PRKG1: variants seen among roughly 807,000 people sequenced by gnomAD.
The protein encoded by PRKG1 is cGMP-dependent protein kinase 1.
Under a neutral mutation model 88.1 loss-of-function variants are expected in PRKG1, and 35 were observed. The observed-to-expected ratio is 0.40, with a 90% CI of 0.30 to 0.53. The LOEUF (loss-of-function observed/expected upper bound fraction) is 0.53. PRKG1 is among the 20% of genes least tolerant of loss of function. The probability of loss-of-function intolerance (pLI) is 0.59; values close to 1 mark genes in which losing one functional copy is unlikely to be tolerated. For synonymous variants in PRKG1, 303 were observed against 292.5 expected (o/e 1.04, Z -0.37); for missense variants, 540 against 839.8 (o/e 0.64, Z 4.41).
chr10:51,081,325 A>G (rs1165876055), intron 1 of PRKG1, among the ~76,000 whole-genome samples: 1 of 152,252 alleles, frequency 6.6e-6, no homozygotes, highest in African/African-American at 2.4e-5. Flanking sequence ...GTTGGAAAAT[A>G]GTGATAGGCT....
intron 2 of PRKG1, among the ~76,000 whole-genome samples, chr10:51,415,262 T>G (rs1838205519): frequency 6.6e-6 from 1 of 152,200 alleles, no homozygotes; most frequent in Non-Finnish European, 1.5e-5. Context: ...TTTCATATAA[T>G]CTAACCTCTT....
chr10:52,080,518 A>G (rs1836678978), intron 7 of PRKG1, among the ~76,000 whole-genome samples: 1 of 152,164 alleles, frequency 6.6e-6, no homozygotes, highest in South Asian at 2.1e-4. Flanking sequence ...ATGCTAATTT[A>G]GGAGTCCATG....
At chr10:51,237,572 G>T (rs1280471992) in intron 2 of PRKG1, among the ~76,000 whole-genome samples, 1 of 152,134 alleles carries the variant, frequency 6.6e-6, no homozygotes, top group Non-Finnish European at 1.5e-5. Flanking sequence ...ACACAGCATT[G>T]ACTGGCACCC....
At chr10:51,950,415 T>C (rs1365045612) in intron 5 of PRKG1, among the ~76,000 whole-genome samples, 2 of 152,262 alleles carry the variant, frequency 1.3e-5, no homozygotes, top group Non-Finnish European at 2.9e-5. Context: ...AGAGGCTTTT[T>C]GGAAGAGAGA....
intron 4 of PRKG1, among the ~76,000 whole-genome samples, chr10:51,839,950 T>C (rs1840228532): frequency 6.6e-6 from 1 of 152,222 alleles, no homozygotes; most frequent in Non-Finnish European, 1.5e-5. Flanking sequence ...AGGATGCCAT[T>C]TTAACTAATG....
At chr10:51,448,445 A>T (rs774147902) in intron 2 of PRKG1, among the ~76,000 whole-genome samples, 9 of 152,072 alleles carry the variant, frequency 5.9e-5, no homozygotes, top group Non-Finnish European at 1.3e-4. Flanking sequence ...CACAGTCATG[A>T]TAACCACATG....
rs1839035974 is a variant in PRKG1 at position 51,615,760 on chromosome 10, T to C, written c.592+147924T>C. Among the ~76,000 whole-genome samples the C allele has an allele frequency of 3.9e-5, 6 of 152,002 alleles. No homozygotes were observed. In the South Asian group the frequency reaches 1.2e-3, roughly 32 times the overall value. ...TGTGTTGTTTTTCAGTATTCCCCTG[T>C]ATCTCACCAAGCTTCTTTAAAATAA... On this transcript the variant is annotated intron_variant, in intron 3 of 17. Coordinates refer to ENST00000373980, the MANE Select transcript of PRKG1 (RefSeq NM_006258.4).
chr10:52,192,889 T>C (rs939098506), intron 9 of PRKG1, among the ~76,000 whole-genome samples: 1 of 152,110 alleles, frequency 6.6e-6, no homozygotes, highest in Non-Finnish European at 1.5e-5. Context: ...ACCCAAGCAA[T>C]TTCCATGTAA....
intron 3 of PRKG1, among the ~76,000 whole-genome samples, chr10:51,520,530 A>G (rs1841709297): frequency 6.6e-6 from 1 of 152,126 alleles, no homozygotes; most frequent in African/African-American, 2.4e-5. Flanking sequence ...AATGTCTAGC[A>G]GAGTGCCTGA....
At chr10:51,775,146 C>T (rs756961665) in intron 3 of PRKG1, among the ~76,000 whole-genome samples, 2 of 152,054 alleles carry the variant, frequency 1.3e-5, no homozygotes, top group Non-Finnish European at 2.9e-5. Context: ...GTTTATAGAG[C>T]TACTTGCAGG....
At chr10:52,273,280 T>A (rs1841781737) in intron 12 of PRKG1, among the ~76,000 whole-genome samples, 1 of 152,068 alleles carries the variant, frequency 6.6e-6, no homozygotes, top group African/African-American at 2.4e-5. Flanking sequence ...CTATGAATAA[T>A]CTTTTGATTA....
At chr10:51,625,907 T>G (rs150069358) in intron 3 of PRKG1, among the ~76,000 whole-genome samples, 46 of 152,334 alleles carry the variant, frequency 3.0e-4, no homozygotes, top group African/African-American at 1.1e-3. Flanking sequence ...TCTCCCCATG[T>G]ATATTCTTAT....
At chr10:51,355,772 A>C in intron 2 of PRKG1, among the ~76,000 whole-genome samples, 1 of 152,036 alleles carries the variant, frequency 6.6e-6, no homozygotes, top group East Asian at 1.9e-4. Context: ...AAAATTGCCT[A>C]GGATTTTTAA....
At chr10:51,190,630 C>A (rs1837607414) in intron 2 of PRKG1, among the ~76,000 whole-genome samples, 1 of 151,758 alleles carries the variant, frequency 6.6e-6, no homozygotes, top group South Asian at 2.1e-4. Flanking sequence ...AGTTCTCTTT[C>A]TTTGTGCTCT....
chr10:52,004,201 A>G (rs1280624930), intron 5 of PRKG1, among the ~76,000 whole-genome samples: 3 of 152,166 alleles, frequency 2.0e-5, no homozygotes, highest in Non-Finnish European at 4.4e-5. Context: ...TTTTGGCTGT[A>G]AACTCCGGGA....
intron 9 of PRKG1, among the ~76,000 whole-genome samples, chr10:52,222,218 T>C (rs564870810): frequency 4.6e-5 from 7 of 152,198 alleles, no homozygotes; most frequent in East Asian, 1.9e-4. Context: ...AGTTCACCCA[T>C]GGGAGCACGT....
At chr10:51,568,956 G>C (rs1395089088) in intron 3 of PRKG1, among the ~76,000 whole-genome samples, 2 of 152,000 alleles carry the variant, frequency 1.3e-5, no homozygotes, top group African/African-American at 4.8e-5. Flanking sequence ...CTGGGTGTGG[G>C]CCGAGTAGAC....
intron 2 of PRKG1, among the ~76,000 whole-genome samples, chr10:51,219,570 T>G (rs1255458844): frequency 2.7e-5 from 4 of 150,516 alleles, no homozygotes; most frequent in East Asian, 2.0e-4. Flanking sequence ...ATTACCCGGG[T>G]GTGGTGGCAG....
chr10:51,251,016 C>G (rs180912128), intron 2 of PRKG1, among the ~76,000 whole-genome samples: 1 of 151,742 alleles, frequency 6.6e-6, no homozygotes, highest in Non-Finnish European at 1.5e-5. Flanking sequence ...ACTCTACAGA[C>G]AGATTTTACT....
Sources: allele counts gnomAD v4.1 joint callset (sites outside exome capture counted in the v4.1 genomes callset), GRCh38; gene constraint gnomAD v4.1.1; transcripts MANE v1.5; gene names NCBI Gene and HGNC (gene_info 2026-07-23, HGNC 2026-07-21).